The following PARM1 variants were observed in gnomAD, a reference collection of about 807,000 sequenced individuals.
The protein encoded by PARM1 is WSC4, cell wall integrity and stress response component 4 homolog.
In PARM1, 14 loss-of-function variants were observed where a neutral mutation model predicts 24.6. The observed-to-expected ratio is 0.57, with a 90% CI of 0.38 to 0.89. The LOEUF is 0.89. Ranked by LOEUF, PARM1 falls within the 40% of genes least tolerant of loss-of-function variation. The probability of loss-of-function intolerance (pLI) is 0.00; values close to 1 mark genes in which losing one functional copy is unlikely to be tolerated. For synonymous variants in PARM1, 179 were observed against 156.6 expected (o/e 1.14, Z -1.07); for missense variants, 362 against 380.4 (o/e 0.95, Z 0.40).
chr4:74,976,421 GC>G (rs1278744534), intron 1 of PARM1, among the ~76,000 whole-genome samples: 1 of 152,156 alleles, frequency 6.6e-6, no homozygotes, highest in Non-Finnish European at 1.5e-5. Flanking sequence ...AGCAATTCTA[GC>G]CAGGGGTTTA....
intron 1 of PARM1, among the ~76,000 whole-genome samples, chr4:74,952,225 A>G (rs1340433254): frequency 1.3e-5 from 2 of 152,166 alleles, no homozygotes; most frequent in Non-Finnish European, 2.9e-5. Flanking sequence ...TGTTGGCCTC[A>G]TAAATGTCTT....
chr4:74,981,045 G>A (rs1203827478), intron 1 of PARM1, among the ~76,000 whole-genome samples: 2 of 152,082 alleles, frequency 1.3e-5, no homozygotes, highest in Admixed American at 6.5e-5. Flanking sequence ...TCAGAACATA[G>A]GCACAGGCAA....
At chr4:75,024,481 G>C (rs74630091) in intron 2 of PARM1, among the ~76,000 whole-genome samples, 4,562 of 152,146 alleles carry the variant, frequency 0.03, 240 homozygotes, top group African/African-American at 0.1. Flanking sequence ...CTTGCACACT[G>C]CTTGGCAACC....
intron 1 of PARM1, among the ~76,000 whole-genome samples, chr4:75,002,434 T>C (rs1722698022): frequency 6.6e-6 from 1 of 152,148 alleles, no homozygotes. Context: ...AAAGACTTTT[T>C]ATCTTTTTAG....
rs1653901501 is a variant in PARM1 at position 75,026,306 on chromosome 4, C to T, written c.770-7577C>T. On this transcript the variant is annotated intron_variant, in intron 2 of 3. Coordinates refer to ENST00000307428, the MANE Select transcript of PARM1 (RefSeq NM_015393.4). Reference sequence around the variant, plus strand: ...TACCTGGCTTTAAGAGACTTTCAGTCTAGAGAGTAGGCAGAATGTATTCTC... The same window carrying T: ...TACCTGGCTTTAAGAGACTTTCAGTTTAGAGAGTAGGCAGAATGTATTCTC... Among the ~76,000 whole-genome samples the T allele has an allele frequency of 2.6e-5, 4 of 152,158 alleles. No individual in the cohort carries two copies. In the South Asian group the frequency reaches 8.3e-4, roughly 32 times the overall value.
chr4:75,014,723 G>T (rs1031195768), intron 2 of PARM1, among the ~76,000 whole-genome samples: 1 of 152,180 alleles, frequency 6.6e-6, no homozygotes, highest in African/African-American at 2.4e-5. Flanking sequence ...ACACAGAGAA[G>T]GGTGGAGAGT....
At chr4:75,020,113 G>C (rs1307968154) in intron 2 of PARM1, among the ~76,000 whole-genome samples, 1 of 151,234 alleles carries the variant, frequency 6.6e-6, no homozygotes, top group African/African-American at 2.4e-5. Flanking sequence ...TTAAAAATAG[G>C]TTAAAGGGGA....
intron 1 of PARM1, among the ~76,000 whole-genome samples, chr4:74,942,117 C>A (rs568827368): frequency 6.6e-6 from 1 of 152,322 alleles, no homozygotes; most frequent in African/African-American, 2.4e-5. Flanking sequence ...TGTATACCAA[C>A]AGGCAAAGGA....
intron 1 of PARM1, among the ~76,000 whole-genome samples, chr4:74,978,969 G>A (rs1329708746): frequency 1.3e-5 from 2 of 152,082 alleles, no homozygotes; most frequent in South Asian, 2.1e-4. Context: ...AGTGTTAGGA[G>A]GGAAATTTAT....
At chr4:75,019,860 G>A (rs575465794) in intron 2 of PARM1, among the ~76,000 whole-genome samples, 19 of 150,272 alleles carry the variant, frequency 1.3e-4, no homozygotes, top group Admixed American at 4.0e-4. Context: ...AAAATTAGCC[G>A]GGCGCGGTGG....
chr4:75,040,706 C>T (rs764001466), intron 3 of PARM1, among the ~76,000 whole-genome samples: 38 of 152,172 alleles, frequency 2.5e-4, no homozygotes, highest in East Asian at 9.6e-4. Flanking sequence ...GAAGGGTATA[C>T]GGGAAATCTT....
intron 1 of PARM1, among the ~76,000 whole-genome samples, chr4:74,998,115 C>G (rs1722610272): frequency 6.6e-6 from 1 of 152,136 alleles, no homozygotes; most frequent in Admixed American, 6.6e-5. Flanking sequence ...AATCACAGTG[C>G]CAATGACAAC....
At chr4:75,000,935 T>C (rs1173879301) in intron 1 of PARM1, among the ~76,000 whole-genome samples, 1 of 152,234 alleles carries the variant, frequency 6.6e-6, no homozygotes, top group Non-Finnish European at 1.5e-5. Context: ...GGTAGCTGTA[T>C]GGCTTGGTGT....
At chr4:74,989,847 G>T (rs1722431445) in intron 1 of PARM1, among the ~76,000 whole-genome samples, 1 of 152,144 alleles carries the variant, frequency 6.6e-6, no homozygotes, top group South Asian at 2.1e-4. Flanking sequence ...ATGTATGTCA[G>T]AAAATGGGAT....
At chr4:75,032,228 T>C (rs770586759) in intron 2 of PARM1, among the ~76,000 whole-genome samples, 1 of 152,236 alleles carries the variant, frequency 6.6e-6, no homozygotes, top group African/African-American at 2.4e-5. Flanking sequence ...TTTGCAGACA[T>C]GACAAGCTCT....
chr4:74,992,545 T>G (rs1189050818), intron 1 of PARM1, among the ~76,000 whole-genome samples: 1 of 152,124 alleles, frequency 6.6e-6, no homozygotes, highest in Non-Finnish European at 1.5e-5. Flanking sequence ...AGGCACATCT[T>G]AATGAAATTT....
At position 75,047,744 on chromosome 4, in the gene PARM1, C is replaced by T. The variant is rs1417647600; in HGVS notation, c.*1497C>T. 6.6e-6 allele frequency: 1 copy of T among 152,180 alleles called. No homozygotes were observed. The highest frequency in any genetic ancestry group is 1.5e-5 in the Non-Finnish European group (1 of 68,028). 9.4% of individuals were successfully genotyped at this position (152,180 alleles called of 1,614,324 possible). A position where few individuals can be genotyped will look rare whatever the true frequency, so the allele number is the denominator to read the frequency against. On this transcript the variant is annotated 3_prime_UTR_variant, in exon 4 of 4. Transcript: ENST00000307428. ...CCACTGTGACAGAACAAGACACTCA[C>T]AGATTAGTGATACGTTTTATTTTTA...
intron 2 of PARM1, 81 bp downstream of exon 2, chr4:75,013,231 A>G: frequency 7.0e-7 from 1 of 1,434,540 alleles, no homozygotes; most frequent in Non-Finnish European, 9.4e-7. Context: ...AACACAATGG[A>G]AAATTTGAAT....
intron 1 of PARM1, among the ~76,000 whole-genome samples, chr4:74,981,405 A>G (rs535323313): frequency 1.2e-4 from 19 of 152,254 alleles, no homozygotes; most frequent in Non-Finnish European, 2.8e-4. Flanking sequence ...CATTAGAGAA[A>G]TGCAAATCAA....
Sources: allele counts gnomAD v4.1 joint callset (sites outside exome capture counted in the v4.1 genomes callset), GRCh38; gene constraint gnomAD v4.1.1; transcripts MANE v1.5; gene names NCBI Gene and HGNC (gene_info 2026-07-23, HGNC 2026-07-21).